Variants in SPATA3 observed in about 807,000 individuals in gnomAD.
SPATA3 encodes the protein spermatogenesis-associated protein 3.
SPATA3 carries 6 observed loss-of-function variants against 5.7 expected under a neutral mutation model. The ratio of observed to expected loss-of-function variants is 1.06; its 90% CI spans 0.58 to 2.09. SPATA3 has a LOEUF of 2.09. Among genes scored for constraint, SPATA3 ranks in the 30% most tolerant of loss-of-function variants. SPATA3 has a pLI of 0.00. For synonymous variants in SPATA3, 44 were observed against 48.4 expected (o/e 0.91, Z 0.37); for missense variants, 155 against 130.4 (o/e 1.19, Z -0.92).
At chr2:231,016,636 T>A (rs1543060) in intron 6 of SPATA3, among the ~76,000 whole-genome samples, 49,511 of 151,768 alleles carry the variant, frequency 0.33, 8,303 homozygotes, top group Admixed American at 0.39. Flanking sequence ...AGTGAGCCAA[T>A]ATCGTGCCAC....
downstream of SPATA3, among the ~76,000 whole-genome samples, chr2:231,011,266 C>T (rs1692780710): frequency 6.6e-6 from 1 of 152,050 alleles, no homozygotes; most frequent in Non-Finnish European, 1.5e-5. Context: ...AAGCATACGC[C>T]ACCACATCTG....
downstream of SPATA3, chr2:231,007,225 C>G (rs1315897931): frequency 6.6e-6 from 1 of 151,792 alleles, no homozygotes; most frequent in Non-Finnish European, 1.5e-5. Flanking sequence ...CTTACAGATC[C>G]AGTTTCCATC....
chr2:231,014,056 G>C (rs1665046997), exon 6 of SPATA3: 2 of 151,920 alleles, frequency 1.3e-5, no homozygotes, highest in Admixed American at 1.3e-4. Context: ...AAACTTGCTG[G>C]GTTACATTCC....
At chr2:231,014,863 G>A (rs1349209580) in intron 6 of SPATA3, among the ~76,000 whole-genome samples, 1 of 152,190 alleles carries the variant, frequency 6.6e-6, no homozygotes, top group African/African-American at 2.4e-5. Flanking sequence ...CTTGTAATGG[G>A]GGTCAAAGCC....
At chr2:231,000,443 G>C (rs370099747) in exon 2 of SPATA3, 2 of 1,549,466 alleles carry the variant, frequency 1.3e-6, no homozygotes, top group Non-Finnish European at 1.7e-6. Context: ...GCGTCGTCTG[G>C]GGCTATGCCA....
chr2:231,001,829 A>AT (rs1692362350), intron 2 of SPATA3, among the ~76,000 whole-genome samples: 2 of 152,210 alleles, frequency 1.3e-5, no homozygotes, highest in Non-Finnish European at 1.5e-5. Context: ...AGATGCAAAG[A>AT]GCCTTGTGTC....
intron 6 of SPATA3, among the ~76,000 whole-genome samples, chr2:231,016,517 AAAAAAAAG>A (rs1170427314): frequency 6.6e-6 from 1 of 151,148 alleles, no homozygotes; most frequent in Non-Finnish European, 1.5e-5. Context: ...AAAAAAAAAA[AAAAAAAAG>A]AAGAAGAAGG....
downstream of SPATA3, among the ~76,000 whole-genome samples, chr2:231,006,116 G>T (rs1351898805): frequency 1.3e-5 from 2 of 150,058 alleles, no homozygotes; most frequent in Non-Finnish European, 3.0e-5. Context: ...GATTGCATGA[G>T]CTCAGCAGTT....
At chr2:231,007,759 T>A (rs1692679390), downstream of SPATA3, among the ~76,000 whole-genome samples, 1 of 152,224 alleles carries the variant, frequency 6.6e-6, no homozygotes, top group Non-Finnish European at 1.5e-5. Flanking sequence ...AGCCAGTGCC[T>A]GGTGCGATTC....
At chr2:231,005,451 C>CCAT (rs1692570552), downstream of SPATA3, among the ~76,000 whole-genome samples, 1 of 84,460 alleles carries the variant, frequency 1.2e-5, no homozygotes, top group Non-Finnish European at 2.5e-5. Flanking sequence ...ACCACCATCA[C>CCAT]CACCACCACC....
At chr2:231,002,867 CT>C, downstream of SPATA3, 1 of 953,340 alleles carries the variant, frequency 1.0e-6, no homozygotes, top group Non-Finnish European at 1.5e-6. Flanking sequence ...GAGGTGGTCT[CT>C]TCAGGTGGAC....
chr2:231,006,212 A>G (rs1001296660), downstream of SPATA3, among the ~76,000 whole-genome samples: 4 of 150,456 alleles, frequency 2.7e-5, no homozygotes, highest in African/African-American at 9.8e-5. Flanking sequence ...AAAAAAAAAA[A>G]AAAAAAAGGC....
intron 6 of SPATA3, among the ~76,000 whole-genome samples, chr2:231,014,976 C>G (rs966174539): frequency 6.6e-6 from 1 of 152,100 alleles, no homozygotes; most frequent in African/African-American, 2.4e-5. Context: ...ACCAGCAAAC[C>G]CTACAGGGAG....
At position 231,000,377 on chromosome 2, in the gene SPATA3, C is replaced by T. The variant is rs574239997; in HGVS notation, c.802C>T (p.Arg268Cys). The T allele has an allele frequency of 1.6e-4, 245 of 1,510,964 alleles. 3 individuals are homozygous for T. In the South Asian group the frequency reaches 2.6e-3, roughly 16 times the overall value. 93.6% of individuals were successfully genotyped at this position (1,510,964 alleles called of 1,614,324 possible). The change falls in exon 2 of 3, where the codon CGC (arginine) becomes TGC (cysteine). Residue 268 changes from arginine to cysteine, a missense_variant. By Grantham distance (180) the Arg-to-Cys change is radical (BLOSUM62 -3). Coordinates refer to ENST00000645363, the Ensembl canonical transcript of SPATA3. ...TTCTGTCCCCACAGGGCCTCTGATT[C>T]GCGCCGGCCCGCATTCCTGCTCCTG...
chr2:230,999,269 G>A (rs536154209), intron 1 of SPATA3, among the ~76,000 whole-genome samples: 15 of 152,264 alleles, frequency 9.9e-5, no homozygotes, highest in African/African-American at 3.6e-4. Flanking sequence ...TGGAGATGGG[G>A]TTTCTTTTTG....
At chr2:230,998,890 C>T (rs1210598757) in intron 1 of SPATA3, among the ~76,000 whole-genome samples, 3 of 152,116 alleles carry the variant, frequency 2.0e-5, no homozygotes, top group Non-Finnish European at 2.9e-5. Context: ...CAAGAGAATT[C>T]GAAGCATCTT....
intron 6 of SPATA3, among the ~76,000 whole-genome samples, chr2:231,018,969 C>CTTTTTTTT (rs10652495): frequency 8.7e-5 from 11 of 126,324 alleles, no homozygotes; most frequent in African/African-American, 9.1e-5. Flanking sequence ...TTTTCTTTTT[C>CTTTTTTTT]TTTTTTTTTT....
chr2:231,014,131 C>G (rs1692866914), exon 6 of SPATA3: 1 of 152,174 alleles, frequency 6.6e-6, no homozygotes, highest in Non-Finnish European at 1.5e-5. Context: ...ATGATGCTAA[C>G]TAGAGACCCA....
At chr2:231,018,508 C>T (rs919356217) in intron 6 of SPATA3, among the ~76,000 whole-genome samples, 1 of 151,878 alleles carries the variant, frequency 6.6e-6, no homozygotes, top group African/African-American at 2.4e-5. Flanking sequence ...TGTGTGGTCC[C>T]TATGCACATG....
Sources: gnomAD v4.1 joint callset for allele counts (sites outside exome capture counted in the v4.1 genomes callset) on GRCh38, gnomAD v4.1.1 for gene constraint, MANE v1.5 for transcripts, NCBI Gene and HGNC (gene_info 2026-07-23, HGNC 2026-07-21) for gene names.